TM9SF2: variants seen among roughly 807,000 people sequenced by gnomAD.
TM9SF2 encodes transmembrane 9 superfamily member 2.
TM9SF2 carries 13 observed loss-of-function variants against 84.9 expected under a neutral mutation model. The ratio of observed to expected loss-of-function variants is 0.15; its 90% CI spans 0.10 to 0.24. The LOEUF is 0.24. TM9SF2 is among the 10% of genes least tolerant of loss of function. The pLI is 1.00. For missense variants in TM9SF2, 562 were observed against 818.5 expected, an observed-to-expected ratio of 0.69 and a Z score of 3.82; for synonymous variants, 273 against 285.8, an observed-to-expected ratio of 0.96 and a Z score of 0.45.
chr13:99,558,101 T>G (rs2139113788), intron 15 of TM9SF2, among the ~76,000 whole-genome samples: 1 of 152,366 alleles, frequency 6.6e-6, no homozygotes, highest in African/African-American at 2.4e-5. Flanking sequence ...TTTAATGGTC[T>G]TGGCAATCTT....
intron 12 of TM9SF2, among the ~76,000 whole-genome samples, chr13:99,551,879 A>G (rs1165282140): frequency 6.6e-6 from 1 of 152,258 alleles, no homozygotes; most frequent in Non-Finnish European, 1.5e-5. Flanking sequence ...GCAGTTTTCA[A>G]TAGAAAATAC....
In TM9SF2 at chr13:99,562,820, T is replaced by G; in HGVS notation, c.*62T>G. ...TAAACTCTTCATCAACAAAGACCTGTTTTTGTGACTGCCTTGAGTTTTATC... is the reference window on the plus strand; with the variant it reads ...TAAACTCTTCATCAACAAAGACCTGGTTTTGTGACTGCCTTGAGTTTTATC... On this transcript the variant is annotated 3_prime_UTR_variant, in exon 17 of 17. Transcript: ENST00000376387. The G allele has an allele frequency of 6.7e-7, 1 of 1,492,236 alleles. No homozygotes were observed. The highest frequency in any genetic ancestry group is 9.2e-7 in the Non-Finnish European group (1 of 1,081,324). 92.4% of individuals were successfully genotyped at this position (1,492,236 alleles called of 1,614,324 possible). A position where few individuals can be genotyped will look rare whatever the true frequency, so the allele number is the denominator to read the frequency against.
chr13:99,512,418 C>T (rs905290100), intron 1 of TM9SF2, among the ~76,000 whole-genome samples: 9 of 152,156 alleles, frequency 5.9e-5, no homozygotes, highest in Non-Finnish European at 1.0e-4. Flanking sequence ...GAATTGGAAG[C>T]TGCTTCATCA....
At chr13:99,530,459 A>G (rs762669021) in intron 4 of TM9SF2, among the ~76,000 whole-genome samples, 9 of 152,234 alleles carry the variant, frequency 5.9e-5, no homozygotes, top group Non-Finnish European at 1.3e-4. Context: ...GCACTGATAG[A>G]TTTGCTTAAC....
At chr13:99,551,377 A>G (rs2139107870) in intron 12 of TM9SF2, among the ~76,000 whole-genome samples, 1 of 152,340 alleles carries the variant, frequency 6.6e-6, no homozygotes, top group South Asian at 2.1e-4. Context: ...AGGAACTGTT[A>G]GATAAGTGAT....
chr13:99,521,873 A>T (rs2046162019), intron 3 of TM9SF2, among the ~76,000 whole-genome samples: 1 of 151,938 alleles, frequency 6.6e-6, no homozygotes, highest in Non-Finnish European at 1.5e-5. Context: ...CATCCAGCCA[A>T]TTTTTAAATT....
At chr13:99,548,622 A>T (rs1481522269) in intron 11 of TM9SF2, among the ~76,000 whole-genome samples, 1 of 152,194 alleles carries the variant, frequency 6.6e-6, no homozygotes, top group East Asian at 1.9e-4. Flanking sequence ...AACATATATT[A>T]GCAAACATGG....
At position 99,518,341 on chromosome 13, in the gene TM9SF2, G is replaced by T. The variant is rs143102487; in HGVS notation, c.239+660G>T. 3.8e-4 allele frequency among the ~76,000 whole-genome samples: 58 copies of T among 152,260 alleles called. No individual in the cohort carries two copies. In the East Asian group the frequency reaches 0.011, roughly 28 times the overall value. ...AGCCAGGCTGGTCTCAAACTCCTGG[G>T]CTCAAATGATTCACCCACCTTGGCC... On this transcript the variant is annotated intron_variant, in intron 2 of 16. Coordinates refer to ENST00000376387, the MANE Select transcript of TM9SF2 (RefSeq NM_004800.3).
intron 7 of TM9SF2, 139 bp downstream of exon 7, chr13:99,539,696 G>T (rs1040603036): frequency 1.4e-5 from 9 of 628,278 alleles, no homozygotes; most frequent in Non-Finnish European, 2.3e-5. Flanking sequence ...GTTTGTCGGT[G>T]TACCAAGCAA....
intron 1 of TM9SF2, among the ~76,000 whole-genome samples, chr13:99,509,017 G>A (rs1038510900): frequency 3.3e-5 from 5 of 152,044 alleles, no homozygotes; most frequent in African/African-American, 1.2e-4. Flanking sequence ...TAATTCAAAA[G>A]TCCCAAGCCC....
intron 1 of TM9SF2, among the ~76,000 whole-genome samples, chr13:99,517,031 A>T (rs753242254): frequency 1.1e-4 from 16 of 152,306 alleles, no homozygotes; most frequent in Admixed American, 3.3e-4. Flanking sequence ...TATCTTATTA[A>T]TTTTTTAGAA....
intron 4 of TM9SF2, among the ~76,000 whole-genome samples, chr13:99,532,602 A>G (rs1018986581): frequency 6.6e-6 from 1 of 152,144 alleles, no homozygotes; most frequent in African/African-American, 2.4e-5. Context: ...AGGCAGGAGA[A>G]TTGCTTGAAC....
intron 13 of TM9SF2, among the ~76,000 whole-genome samples, chr13:99,553,458 C>G (rs2046313990): frequency 6.6e-6 from 1 of 152,150 alleles, no homozygotes; most frequent in African/African-American, 2.4e-5. Flanking sequence ...AATTCCAAAA[C>G]TTTGCTGGTT....
chr13:99,529,744 G>T, intron 4 of TM9SF2, 150 bp downstream of exon 4: 2 of 768,148 alleles, frequency 2.6e-6, no homozygotes, highest in South Asian at 2.7e-5. Flanking sequence ...TTGAAGTAGT[G>T]ACTCTTAGTT....
intron 9 of TM9SF2, 102 bp from the exon 10 acceptor site, chr13:99,543,761 A>C: frequency 2.1e-6 from 3 of 1,462,598 alleles, no homozygotes; most frequent in Non-Finnish European, 2.7e-6. Flanking sequence ...AAGTTTAAAA[A>C]AAACCTGTTT....
chr13:99,553,567 A>T (rs1184300855), intron 13 of TM9SF2, among the ~76,000 whole-genome samples: 3 of 152,244 alleles, frequency 2.0e-5, no homozygotes, highest in Non-Finnish European at 1.5e-5. Flanking sequence ...TACATGTAAA[A>T]TAATAATCTA....
At chr13:99,529,637 T>G in intron 4 of TM9SF2, 43 bp downstream of exon 4, 1 of 1,454,540 alleles carries the variant, frequency 6.9e-7, no homozygotes, top group Non-Finnish European at 9.1e-7. Flanking sequence ...ATCCTTTCCA[T>G]ATGAAATCTT....
At position 99,529,429 on chromosome 13, in the gene TM9SF2, T is replaced by C. The variant is rs774826805; in HGVS notation, c.334-38T>C. ...GATATTGGTATGAAAAACCTGGATA[T>C]TTTTTCTGAATTTGCTTTCCACTTC... On this transcript the variant is annotated intron_variant, in intron 3 of 16. Transcript: ENST00000376387. 5 of 1,469,594 alleles carry C rather than the reference T, an allele frequency of 3.4e-6. No homozygotes were observed. The South Asian group carries it at 7.6e-5, about 22-fold the overall frequency. 91.0% of individuals were successfully genotyped at this position (1,469,594 alleles called of 1,614,324 possible). A position where few individuals can be genotyped will look rare whatever the true frequency, so the allele number is the denominator to read the frequency against.
intron 1 of TM9SF2, among the ~76,000 whole-genome samples, chr13:99,516,580 C>T (rs1288952330): frequency 6.6e-6 from 1 of 152,154 alleles, no homozygotes; most frequent in Non-Finnish European, 1.5e-5. Flanking sequence ...TCCTGTAGGA[C>T]TTCAGCTACA....
Sources: gnomAD v4.1 joint callset for allele counts (sites outside exome capture counted in the v4.1 genomes callset) on GRCh38, gnomAD v4.1.1 for gene constraint, MANE v1.5 for transcripts, NCBI Gene and HGNC (gene_info 2026-07-23, HGNC 2026-07-21) for gene names.